HPSE2: variants seen among roughly 807,000 people sequenced by gnomAD.
HPSE2 encodes the protein inactive heparanase-2.
Under a neutral mutation model 60.5 loss-of-function variants are expected in HPSE2, and 38 were observed. That is an observed-to-expected ratio of 0.63 (90% CI 0.48 to 0.82). The LOEUF (loss-of-function observed/expected upper bound fraction) is 0.82. Ranked by LOEUF, HPSE2 falls within the 40% of genes least tolerant of loss-of-function variation. The pLI, the probability that HPSE2 is intolerant of heterozygous loss-of-function variation, is 0.00. For missense variants in HPSE2, 713 were observed against 740.4 expected, an observed-to-expected ratio of 0.96 and a Z score of 0.43; for synonymous variants, 295 against 293.2, an observed-to-expected ratio of 1.01 and a Z score of -0.06.
intron 9 of HPSE2, among the ~76,000 whole-genome samples, chr10:98,566,046 G>C (rs1564973372): frequency 1.3e-5 from 2 of 152,130 alleles, no homozygotes; most frequent in South Asian, 4.1e-4. Context: ...ACCTTTTGCT[G>C]CAGTGCCCAG....
At chr10:98,737,407 A>T (rs1296739058) in intron 4 of HPSE2, among the ~76,000 whole-genome samples, 1 of 138,574 alleles carries the variant, frequency 7.2e-6, no homozygotes, top group African/African-American at 2.6e-5. Context: ...TACCCACTTC[A>T]TCTCATTGGG....
At position 98,539,976 on chromosome 10, in the gene HPSE2, C is replaced by T. The variant is rs373458201; in HGVS notation, c.1321-49780G>A. The stretch of plus-strand genomic sequence containing the variant: ...AACCCTTGAGTGAAGAAGTAGGGAA[C>T]CGGGATTTCAGGCCCTGCCTGGTCA... On this transcript the variant is annotated intron_variant, in intron 9 of 11. Transcript: ENST00000370552. 2.9e-3 allele frequency among the ~76,000 whole-genome samples: 439 copies of T among 152,336 alleles called. 4 individuals carry two copies. Among genetic ancestry groups the T allele is most frequent in the African/African-American group, 9.9e-3 (413 of 41,572 alleles).
intron 2 of HPSE2, among the ~76,000 whole-genome samples, chr10:99,194,541 A>AAT (rs1474359639): frequency 6.6e-6 from 1 of 151,818 alleles, no homozygotes; most frequent in Non-Finnish European, 1.5e-5. Context: ...AAAAAACCCA[A>AAT]ATAAATACAA....
intron 3 of HPSE2, among the ~76,000 whole-genome samples, chr10:98,797,777 G>C (rs1278968703): frequency 1.3e-5 from 2 of 152,068 alleles, no homozygotes; most frequent in Non-Finnish European, 2.9e-5. Context: ...CTGGGAGACG[G>C]AGGTTGCGGT....
chr10:98,598,514 C>T (rs1441318714), intron 9 of HPSE2, among the ~76,000 whole-genome samples: 1 of 152,182 alleles, frequency 6.6e-6, no homozygotes, highest in Non-Finnish European at 1.5e-5. Context: ...TGGTGTGGGC[C>T]TTGAGCCTGA....
chr10:98,565,310 T>C (rs1054522297), intron 9 of HPSE2, among the ~76,000 whole-genome samples: 1 of 152,080 alleles, frequency 6.6e-6, no homozygotes, highest in African/African-American at 2.4e-5. Context: ...TTTGTCCTAA[T>C]GCTCTCACTC....
chr10:98,825,454 C>T (rs1951520541), intron 3 of HPSE2, among the ~76,000 whole-genome samples: 1 of 152,250 alleles, frequency 6.6e-6, no homozygotes, highest in Admixed American at 6.5e-5. Flanking sequence ...TCAGATTTCA[C>T]CTTAAACAAC....
the HPSE2 span, among the ~76,000 whole-genome samples, chr10:99,299,269 C>T: frequency 6.6e-6 from 1 of 152,168 alleles, no homozygotes; most frequent in African/African-American, 2.4e-5. Flanking sequence ...AGGAAGTAAG[C>T]CGGACCAGTA....
At chr10:99,058,814 C>T (rs1958171065) in intron 3 of HPSE2, among the ~76,000 whole-genome samples, 1 of 151,924 alleles carries the variant, frequency 6.6e-6, no homozygotes, top group Admixed American at 6.6e-5. Context: ...AAGAATAGAG[C>T]TTACTTGGAA....
At position 98,614,980 on chromosome 10, in the gene HPSE2, A is replaced by G; in HGVS notation, c.1244T>C (p.Ile415Thr). 3 of 1,614,084 alleles carry G rather than the reference A, an allele frequency of 1.9e-6. No homozygotes were observed. The highest frequency in any genetic ancestry group is 1.1e-5 in the South Asian group (1 of 91,084). Residue 415 changes from isoleucine (I) to threonine (T), a missense_variant, in exon 9 of 12, where the codon ATT becomes ACT. Transcript: ENST00000370552. The part of the protein sequence containing the change: ...NTLGMLANQG[I>T]DVVIRHSFFD... ...AAATGAGTGCCGTATCACGACATCAATGCCCTGATTGGCCAGCATTCCTAA... is the reference window on the plus strand; with the variant it reads ...AAATGAGTGCCGTATCACGACATCAGTGCCCTGATTGGCCAGCATTCCTAA...
intron 11 of HPSE2, among the ~76,000 whole-genome samples, chr10:98,468,384 A>G (rs899867909): frequency 2.4e-4 from 32 of 135,834 alleles, no homozygotes; most frequent in Admixed American, 1.5e-4. Flanking sequence ...ACTCCTCAGG[A>G]GTCACGGGGG....
intron 3 of HPSE2, among the ~76,000 whole-genome samples, chr10:99,107,146 C>T (rs1332842773): frequency 6.6e-6 from 1 of 152,172 alleles, no homozygotes; most frequent in Admixed American, 6.5e-5. Context: ...GCTGGGATTA[C>T]AGGTGTGAGC....
At chr10:98,829,163 G>A (rs1403320783) in intron 3 of HPSE2, among the ~76,000 whole-genome samples, 1 of 152,120 alleles carries the variant, frequency 6.6e-6, no homozygotes, top group Non-Finnish European at 1.5e-5. Context: ...AAGAATGGTG[G>A]TTGCCAGGGG....
In HPSE2 at chr10:98,931,930, TC is replaced by T; in HGVS notation, c.611-187875del. On this transcript the variant is annotated intron_variant, in intron 3 of 11. Transcript: ENST00000370552. ...ATTGGCAAACAAAGACAATTTGACT[TC>T]CTCTCTTCCTATTTGAAATTTCCTT... 1.4e-5 allele frequency among the ~76,000 whole-genome samples: 2 copies of T among 143,964 alleles called. 1 individual carries two copies. The highest frequency in any genetic ancestry group is 4.2e-4 in the South Asian group (2 of 4,758). 94.4% of individuals were successfully genotyped at this position (143,964 alleles called of 152,430 possible).
At chr10:98,528,594 C>T (rs1262237930) in intron 9 of HPSE2, among the ~76,000 whole-genome samples, 6 of 152,090 alleles carry the variant, frequency 3.9e-5, no homozygotes, top group Non-Finnish European at 8.8e-5. Flanking sequence ...AACAGACACC[C>T]AATTAGTTAT....
chr10:99,084,688 AAAAC>A (rs1342607471), intron 3 of HPSE2, among the ~76,000 whole-genome samples: 1 of 152,228 alleles, frequency 6.6e-6, no homozygotes, highest in African/African-American at 2.4e-5. Flanking sequence ...CAAAAACAAA[AAAAC>A]AAAAACAAAA....
chr10:99,131,704 A>G (rs780061634), intron 3 of HPSE2, among the ~76,000 whole-genome samples: 3 of 152,170 alleles, frequency 2.0e-5, no homozygotes, highest in Non-Finnish European at 2.9e-5. Flanking sequence ...GAGGATGCAA[A>G]GGCATAAGAA....
At chr10:99,212,548 T>C (rs1379647781) in intron 2 of HPSE2, among the ~76,000 whole-genome samples, 2 of 152,116 alleles carry the variant, frequency 1.3e-5, no homozygotes, top group African/African-American at 4.8e-5. Context: ...GTAAGTGAAA[T>C]AAACCAGGCA....
intron 2 of HPSE2, among the ~76,000 whole-genome samples, chr10:99,187,075 C>T (rs1203822970): frequency 1.3e-5 from 2 of 152,186 alleles, no homozygotes; most frequent in African/African-American, 4.8e-5. Context: ...TGAGCTACCC[C>T]ACCCAGCCTC....
Sources: gnomAD v4.1 joint callset for allele counts (sites outside exome capture counted in the v4.1 genomes callset) on GRCh38, gnomAD v4.1.1 for gene constraint, MANE v1.5 for transcripts, NCBI Gene and HGNC (gene_info 2026-07-23, HGNC 2026-07-21) for gene names.